ARAP3: variants seen among roughly 807,000 people sequenced by gnomAD.
ARAP3 encodes the protein arf-GAP with Rho-GAP domain, ANK repeat and PH domain-containing protein 3.
ARAP3 carries 82 observed loss-of-function variants against 169.2 expected under a neutral mutation model. The ratio of observed to expected loss-of-function variants is 0.48; its 90% confidence interval spans 0.41 to 0.58. The LOEUF (loss-of-function observed/expected upper bound fraction) is 0.58, where lower values mean the gene tolerates loss of function less well. ARAP3 is among the 20% of genes least tolerant of loss of function. ARAP3 has a pLI of 0.00. For missense variants in ARAP3, 1,764 were observed against 2,018.0 expected (o/e 0.87, Z 2.41); for synonymous variants, 791 against 800.3 (o/e 0.99, Z 0.20).
intron 23 of ARAP3, among the ~76,000 whole-genome samples, chr5:141,659,116 T>C (rs2099909603): frequency 6.6e-6 from 1 of 152,204 alleles, no homozygotes; most frequent in Non-Finnish European, 1.5e-5. Flanking sequence ...TTGGATCTCT[T>C]ACACTTAGTA....
intron 29 of ARAP3, 63 bp from the exon 30 acceptor site, chr5:141,655,995 C>G: frequency 6.2e-7 from 1 of 1,613,662 alleles, no homozygotes; most frequent in Non-Finnish European, 8.5e-7. Context: ...ATGGAGCATA[C>G]AAAGAGGGAA....
chr5:141,682,089 G>C (rs978319460), intron 1 of ARAP3, 84 bp downstream of exon 1: 1 of 152,724 alleles, frequency 6.5e-6, no homozygotes, highest in Non-Finnish European at 1.5e-5. Flanking sequence ...GCGCCGAGGG[G>C]GCCTGGGAGC....
chr5:141,675,673 A>G (rs1276971550), intron 4 of ARAP3, among the ~76,000 whole-genome samples: 1 of 151,900 alleles, frequency 6.6e-6, no homozygotes, highest in Non-Finnish European at 1.5e-5. Context: ...CAGTGAGCAG[A>G]GATCGAGCCA....
At chr5:141,658,511 C>A (rs376795926) in intron 24 of ARAP3, 32 bp from the exon 25 acceptor site, 3 of 1,613,782 alleles carry the variant, frequency 1.9e-6, no homozygotes, top group Middle Eastern at 1.6e-4. Context: ...AGAATTCATG[C>A]TGGTCAGGCT....
Position 141,679,561 on chromosome 5 carries a change from C to A in ARAP3, c.682G>T (p.Gly228Cys). 1 of 1,614,158 alleles carries A rather than the reference C, an allele frequency of 6.2e-7. No individual in the cohort carries two copies. Among genetic ancestry groups the A allele is most frequent in the Non-Finnish European group, 8.5e-7 (1 of 1,180,026 alleles). Residue 228 changes from glycine (G) to cysteine (C), a missense_variant, in exon 4 of 33, where the codon GGC (glycine) becomes TGC (cysteine). Gly to Cys is a radical substitution (Grantham distance 159). Around this residue, in one of 3 missense-constraint regions of ARAP3, gnomAD observed 630 missense variants for 678.7 expected, o/e 0.93. Coordinates refer to ENST00000239440, the MANE Select transcript of ARAP3 (RefSeq NM_022481.6). ...AGTACTCACCTGTGTTCAGCCCTGCCCTGACAAACACCTCTGCTCTCTCTT... is the reference window on the plus strand; with the variant it reads ...AGTACTCACCTGTGTTCAGCCCTGCACTGACAAACACCTCTGCTCTCTCTT... ...DRRESRGVCQGRAEHRLSRQD... is the reference protein window; with the variant it reads ...DRRESRGVCQCRAEHRLSRQD...
rs2099909993 is a variant in ARAP3, at chr5:141,661,662, CAG to C, written c.3119+20_3119+21del. On this transcript the variant is annotated intron_variant, in intron 21 of 32. Coordinates refer to ENST00000239440, the MANE Select transcript of ARAP3 (RefSeq NM_022481.6). ...CAGATTGAAGTGAGGAAGGGTTCTGCAGAGGGTCTAGCCATACTGACCGATAG... is the reference window on the plus strand; with the variant it reads ...CAGATTGAAGTGAGGAAGGGTTCTGCAGGGTCTAGCCATACTGACCGATAG... 2 of 1,605,972 alleles carry C rather than the reference CAG, an allele frequency of 1.2e-6. No homozygotes were observed. Among genetic ancestry groups the C allele is most frequent in the East Asian group, 4.5e-5 (2 of 44,724 alleles).
chr5:141,670,708 G>C (rs1232123832), intron 13 of ARAP3, 80 bp from the exon 14 acceptor site: 1 of 1,229,812 alleles, frequency 8.1e-7, no homozygotes, highest in African/African-American at 1.5e-5. Context: ...GGATGAAATG[G>C]AGAAAGACAG....
chr5:141,672,275 C>T lies in ARAP3; in HGVS notation c.1412G>A (p.Arg471Gln), dbSNP rs201036889. Reference sequence around the variant, plus strand: ...CTGCAGAGCGGCCGCCCAGCTCTGCCGAGCACCCCCAGACTCGGCTGTGAA... The same window carrying T: ...CTGCAGAGCGGCCGCCCAGCTCTGCTGAGCACCCCCAGACTCGGCTGTGAA... Reference protein sequence around the residue: ...FSFTAESGGARQSWAAALQEA... With the variant: ...FSFTAESGGAQQSWAAALQEA... Residue 471 changes from arginine to glutamine, a missense_variant, in exon 10 of 33, where the codon CGG (arginine) becomes CAG (glutamine). Around this residue, in one of 3 missense-constraint regions of ARAP3, gnomAD observed 630 missense variants for 678.7 expected, o/e 0.93. Transcript: ENST00000239440. The surrounding 1 kb of genome is among the most constrained non-coding windows in gnomAD (Gnocchi z 4.9). 113 of 1,614,102 alleles carry T rather than the reference C, an allele frequency of 7.0e-5. No homozygotes were observed. In the East Asian group the frequency reaches 1.3e-3, roughly 19 times the overall value.
Position 141,680,478 on chromosome 5 carries a change from G to A in ARAP3, c.9C>T (p.Ala3=). The A allele has an allele frequency of 6.3e-7, 1 of 1,594,820 alleles. No individual in the cohort carries two copies. The highest frequency in any genetic ancestry group is 8.5e-7 in the Non-Finnish European group (1 of 1,172,318). The part of the protein sequence containing the change: MA[A]PQDLDIAVWL... ...ACACAGCGATGTCCAGGTCCTGAGG[G>A]GCAGCCATGGGGGCTCAGGCCATTG... is the stretch of plus-strand genomic sequence containing the variant. Residue 3 remains alanine, a synonymous_variant, in exon 2 of 33, where the codon GCC becomes GCT. Transcript: ENST00000239440.
rs1373439679 is a variant in ARAP3, at chr5:141,678,795, C to T, written c.698+750G>A. ...GAGCCACCATGCCCGGCCAACCCCC[C>T]AGCCCTCTTACTCTGCTCTATTTTT... On this transcript the variant is annotated intron_variant, in intron 4 of 32. Coordinates refer to ENST00000239440, the MANE Select transcript of ARAP3 (RefSeq NM_022481.6). Among the ~76,000 whole-genome samples the T allele has an allele frequency of 4.5e-4, 69 of 152,002 alleles. 1 individual carries two copies. Among genetic ancestry groups the T allele is most frequent in the Admixed American group, 4.4e-3 (67 of 15,266 alleles).
chr5:141,659,724 G>A, intron 22 of ARAP3, 55 bp downstream of exon 22: 5 of 1,578,386 alleles, frequency 3.2e-6, no homozygotes, highest in Non-Finnish European at 4.3e-6. Context: ...AGAGTCTCTG[G>A]GTCCTGCAAG....
At chr5:141,676,566 C>T (rs2099912217) in intron 4 of ARAP3, among the ~76,000 whole-genome samples, 1 of 152,088 alleles carries the variant, frequency 6.6e-6, no homozygotes, top group Non-Finnish European at 1.5e-5. Context: ...ATTCTAAGTC[C>T]TATCATACTC....
chr5:141,671,695 G>A lies in ARAP3; in HGVS notation c.1729C>T (p.Pro577Ser), dbSNP rs1347005052. The change falls in exon 12 of 33, where the codon CCA becomes TCA. Residue 577 changes from proline to serine, a missense_variant. Coordinates refer to ENST00000239440, the MANE Select transcript of ARAP3 (RefSeq NM_022481.6). This position sits in a 1 kb window ranked among gnomAD's most constrained non-coding sequence, Gnocchi z 4.9. ...GCATCTGGATGTAGTCCCTCACCTG[G>A]GGGTAGGGTCCCTGCCCAGAAGCGG... Reference protein sequence around the residue: ...ANRFWAGTLPPGEGLHPDATP... With the variant: ...ANRFWAGTLPSGEGLHPDATP... 1 of 1,612,592 alleles carries A rather than the reference G, an allele frequency of 6.2e-7. No homozygotes were observed. Among genetic ancestry groups the A allele is most frequent in the Non-Finnish European group, 8.5e-7 (1 of 1,179,334 alleles).
chr5:141,675,389 T>C (rs1461625506), intron 4 of ARAP3, among the ~76,000 whole-genome samples: 1 of 151,986 alleles, frequency 6.6e-6, no homozygotes, highest in Non-Finnish European at 1.5e-5. Context: ...CAGGCACTCA[T>C]AGTTTTAAAA....
intron 4 of ARAP3, 75 bp from the exon 5 acceptor site, chr5:141,673,883 C>G: frequency 7.3e-7 from 1 of 1,367,410 alleles, no homozygotes; most frequent in South Asian, 1.3e-5. Flanking sequence ...TTTCTCCATC[C>G]TACTCACATC....
intron 23 of ARAP3, 82 bp downstream of exon 23, chr5:141,659,326 T>G (rs2099909643): frequency 3.7e-6 from 5 of 1,366,366 alleles, no homozygotes; most frequent in Non-Finnish European, 5.2e-6. Flanking sequence ...GCTGGAAACT[T>G]CCTCAACTGG....
At chr5:141,663,344 G>T (rs146635567) in intron 19 of ARAP3, among the ~76,000 whole-genome samples, 1 of 152,090 alleles carries the variant, frequency 6.6e-6, no homozygotes, top group Non-Finnish European at 1.5e-5. Flanking sequence ...TTCACCCGGG[G>T]TGGAGTGAAG....
chr5:141,665,298 A>C lies in ARAP3; in HGVS notation c.2636+13T>G. 2 of 1,614,062 alleles carry C rather than the reference A, an allele frequency of 1.2e-6. No homozygotes were observed. Among genetic ancestry groups the C allele is most frequent in the Non-Finnish European group, 1.7e-6 (2 of 1,179,936 alleles). ...GGAAGGGGAGCCCCAGGTCAAGGGC[A>C]GGGGCAATTTACCTTCCTGTCTCCA... On this transcript the variant is annotated intron_variant, in intron 18 of 32. Coordinates refer to ENST00000239440, the MANE Select transcript of ARAP3 (RefSeq NM_022481.6).
rs774765290 is a variant in ARAP3 at position 141,670,512 on chromosome 5, C to T, written c.2107G>A (p.Ala703Thr). ...GPSPPRRGRD[A>T]PPRLWCVLGA... ...CTCCCATCCCTTGGCTCCCCCTCAC[C>T]ATCCCGGCCCCTGCGAGGGGGTGAG... The change falls in exon 14 of 33, where the codon GCT becomes ACT. Residue 703 changes from alanine to threonine, a missense_variant and splice_region_variant. Ala to Thr is a moderately conservative substitution (Grantham distance 58). Transcript: ENST00000239440. The T allele has an allele frequency of 6.2e-7, 1 of 1,613,578 alleles. No homozygotes were observed. The highest frequency in any genetic ancestry group is 8.5e-7 in the Non-Finnish European group (1 of 1,179,564).
Sources: gnomAD v4.1 joint callset for allele counts (sites outside exome capture counted in the v4.1 genomes callset) on GRCh38, gnomAD v4.1.1 for gene constraint, gnomAD v4.1.1 regional missense constraint, Gnocchi (gnomAD v3.1) non-coding constraint, MANE v1.5 for transcripts, NCBI Gene and HGNC (gene_info 2026-07-23, HGNC 2026-07-21) for gene names.